ENO3: variants seen among roughly 807,000 people sequenced by gnomAD.
ENO3 encodes the protein enolase 3.
In ENO3, 46 loss-of-function variants were observed where a neutral mutation model predicts 47.7. The observed-to-expected ratio is 0.96, with a 90% CI of 0.76 to 1.23. ENO3 has a LOEUF of 1.23. ENO3 is among the 50% of genes most tolerant of loss of function. The pLI, the probability that ENO3 is intolerant of heterozygous loss-of-function variation, is 0.00. For synonymous variants in ENO3, 223 were observed against 225.9 expected (o/e 0.99, Z 0.11); for missense variants, 575 against 566.2 (o/e 1.02, Z -0.16).
chr17:4,949,526 G>A (rs990893851), upstream of ENO3, among the ~76,000 whole-genome samples: 1 of 152,186 alleles, frequency 6.6e-6, no homozygotes, highest in Non-Finnish European at 1.5e-5. Context: ...TTGCAAGAGT[G>A]GCAACTTTTT....
upstream of ENO3, among the ~76,000 whole-genome samples, chr17:4,949,604 C>A (rs1971482915): frequency 6.8e-6 from 1 of 146,036 alleles, no homozygotes; most frequent in Non-Finnish European, 1.5e-5. Flanking sequence ...CTCACAGCCA[C>A]CTGGGGAGGG....
chr17:4,955,314 C>G lies in ENO3; in HGVS notation c.667+17C>G, dbSNP rs1298359743. 1 of 1,612,908 alleles carries G rather than the reference C, an allele frequency of 6.2e-7. No homozygotes were observed. Among genetic ancestry groups the G allele is most frequent in the Non-Finnish European group, 8.5e-7 (1 of 1,179,634 alleles). ...ACAATGAGGGTCAGTGCTGAGCACCCTGGGGGGCAGACCCCCTGGATCTCC... is the reference window on the plus strand; with the variant it reads ...ACAATGAGGGTCAGTGCTGAGCACCGTGGGGGGCAGACCCCCTGGATCTCC... On this transcript the variant is annotated intron_variant, in intron 7 of 11. Coordinates refer to ENST00000519602, the MANE Select transcript of ENO3 (RefSeq NM_053013.4).
chr17:4,952,311 G>T (rs1377841383), intron 2 of ENO3: 1 of 357,924 alleles, frequency 2.8e-6, no homozygotes, highest in Non-Finnish European at 5.4e-6. Flanking sequence ...CAAGTAGCTG[G>T]GATTACAGGC....
upstream of ENO3, among the ~76,000 whole-genome samples, chr17:4,949,766 C>T (rs1376132284): frequency 6.6e-6 from 1 of 152,142 alleles, no homozygotes; most frequent in East Asian, 1.9e-4. Context: ...CTCTCTCCTC[C>T]CGAGCGCGGC....
Position 4,952,825 on chromosome 17 carries a change from C to A in ENO3, c.116C>A (p.Ala39Asp), listed in dbSNP as rs754637196. ...GRFRAAVPSG[A>D]STGIYEALEL... ...TTCCGAGCAGCTGTGCCCAGTGGGG[C>A]TTCCACGGGTATCTATGAGGCTCTG... is the stretch of plus-strand genomic sequence containing the variant. The change falls in exon 3 of 12, where the codon GCT (alanine) becomes GAT (aspartate). Residue 39 changes from alanine (A) to aspartate (D), a missense_variant. Ala to Asp is a moderately radical substitution (Grantham distance 126). Coordinates refer to ENST00000519602, the MANE Select transcript of ENO3 (RefSeq NM_053013.4). 6.2e-7 allele frequency: 1 copy of A among 1,611,670 alleles called. No homozygotes were observed. The highest frequency in any genetic ancestry group is 8.5e-7 in the Non-Finnish European group (1 of 1,178,736).
At chr17:4,949,911 C>T (rs2151137502), upstream of ENO3, among the ~76,000 whole-genome samples, 1 of 152,166 alleles carries the variant, frequency 6.6e-6, no homozygotes, top group Non-Finnish European at 1.5e-5. Context: ...CGCTCCCCGC[C>T]CGCCATCTCC....
Position 4,955,487 on chromosome 17 carries a change from G to C in ENO3, c.748G>C (p.Glu250Gln). Residue 250 changes from glutamate to glutamine, a missense_variant, in exon 8 of 12, where the codon GAG (glutamate) becomes CAG (glutamine). Glu to Gln is a conservative substitution (Grantham distance 29). Transcript: ENST00000519602. ...VVIGMDVAAS[E>Q]FYRNGKYDLD... ...GATCGGCATGGATGTGGCAGCATCT[G>C]AGTTCTATCGCAATGGGAAGTACGA... is the stretch of plus-strand genomic sequence containing the variant. 1 of 1,614,240 alleles carries C rather than the reference G, an allele frequency of 6.2e-7. No homozygotes were observed.
At chr17:4,955,344 G>T in intron 7 of ENO3, 47 bp downstream of exon 7, 6 of 1,614,024 alleles carry the variant, frequency 3.7e-6, no homozygotes, top group Non-Finnish European at 4.2e-6. Context: ...ATCTCCACAT[G>T]GGCAGGGGAG....
chr17:4,956,697 C>T lies in ENO3; in HGVS notation c.1176+16C>T, dbSNP rs991804133. ...CACAGGACAGGTACTTGTAGCTTCT[C>T]TCTACTGAGTGTCTCACCAAGTTTT... On this transcript the variant is annotated intron_variant, in intron 10 of 11. Coordinates refer to ENST00000519602, the MANE Select transcript of ENO3 (RefSeq NM_053013.4). 5 of 1,613,990 alleles carry T rather than the reference C, an allele frequency of 3.1e-6. No individual in the cohort carries two copies. The highest frequency in any genetic ancestry group is 1.3e-5 in the African/African-American group (1 of 74,928).
At chr17:4,949,817 C>A (rs1971488042), upstream of ENO3, among the ~76,000 whole-genome samples, 1 of 152,140 alleles carries the variant, frequency 6.6e-6, no homozygotes, top group African/African-American at 2.4e-5. Flanking sequence ...CAGTCCCCGA[C>A]GCCCCTCGAG....
At chr17:4,952,298 T>A (rs1419300127) in intron 2 of ENO3, 1 of 358,088 alleles carries the variant, frequency 2.8e-6, no homozygotes, top group East Asian at 7.2e-5. Flanking sequence ...TGCCTCAGCC[T>A]CCCAAGTAGC....
chr17:4,955,696 G>A (rs1971703172), intron 8 of ENO3, 92 bp downstream of exon 8: 1 of 1,560,814 alleles, frequency 6.4e-7, no homozygotes, highest in Non-Finnish European at 8.8e-7. Context: ...CATCGACTTG[G>A]ATCCTTCCAA....
Position 4,953,304 on chromosome 17 carries a change from CAA to C in ENO3, c.275_276del (p.Lys92IlefsTer4). ...GCGTTGTGGATCAAGAAAAAGTTGA[CAA>C]ATTTATGATTGAGCTAGATGGGACC... ...LSVVDQEKVD[K>X]FMIELDGTEN... On this transcript the variant is annotated frameshift_variant, in exon 5 of 12. Transcript: ENST00000519602. LOFTEE classifies it high-confidence loss of function. 1 of 1,614,210 alleles carries C rather than the reference CAA, an allele frequency of 6.2e-7. No individual in the cohort carries two copies.
intron 1 of ENO3, 30 bp from the exon 2 acceptor site, chr17:4,951,798 C>G: frequency 6.2e-7 from 1 of 1,609,054 alleles, no homozygotes; most frequent in African/African-American, 1.3e-5. Flanking sequence ...GATCAACTGT[C>G]TACACTCACT....
intron 6 of ENO3, 25 bp from the exon 7 acceptor site, chr17:4,955,050 T>C: frequency 6.4e-7 from 1 of 1,573,186 alleles, no homozygotes; most frequent in Non-Finnish European, 8.7e-7. Context: ...CCGGCCCAGG[T>C]CCAGACACCC....
intron 8 of ENO3, 152 bp downstream of exon 8, chr17:4,955,756 C>T: frequency 7.6e-7 from 1 of 1,312,482 alleles, no homozygotes; most frequent in African/African-American, 1.5e-5. Context: ...CCTGTCACCC[C>T]TCCATGAGGC....
chr17:4,952,707 C>A, intron 2 of ENO3, 88 bp from the exon 3 acceptor site: 1 of 1,307,118 alleles, frequency 7.7e-7, no homozygotes, highest in Non-Finnish European at 1.1e-6. Context: ...AGTGATCCAC[C>A]TGCCTAGGCC....
At chr17:4,951,396 G>A (rs1043395161) in intron 1 of ENO3, among the ~76,000 whole-genome samples, 1 of 152,166 alleles carries the variant, frequency 6.6e-6, no homozygotes, top group Non-Finnish European at 1.5e-5. Context: ...GGGCAGCAGG[G>A]ATGGATAGAA....
chr17:4,953,894 C>T (rs1225334322), intron 6 of ENO3, 49 bp downstream of exon 6: 3 of 1,613,484 alleles, frequency 1.9e-6, no homozygotes, highest in Non-Finnish European at 2.5e-6. Flanking sequence ...ACAGAGCCAA[C>T]CCCGCCCAGC....
Sources: gnomAD v4.1 joint callset for allele counts (sites outside exome capture counted in the v4.1 genomes callset) on GRCh38, gnomAD v4.1.1 for gene constraint, MANE v1.5 for transcripts, NCBI Gene and HGNC (gene_info 2026-07-23, HGNC 2026-07-21) for gene names.